The following PCNX2 variants were observed in gnomAD, a reference collection of about 807,000 sequenced individuals.
PCNX2 encodes pecanex 2, also known as pecanex-like protein 2.
Under a neutral mutation model 223.8 loss-of-function variants are expected in PCNX2, and 168 were observed. The ratio of observed to expected loss-of-function variants is 0.75; its 90% CI spans 0.66 to 0.85. PCNX2 has a LOEUF of 0.85. Among genes scored for constraint, PCNX2 ranks in the 40% least tolerant of loss-of-function variants. The pLI, the probability that PCNX2 is intolerant of heterozygous loss-of-function variation, is 0.00. For missense variants in PCNX2, 2,507 were observed against 2,675.5 expected, an observed-to-expected ratio of 0.94 and a Z score of 1.39; for synonymous variants, 1,006 against 1,052.6, an observed-to-expected ratio of 0.96 and a Z score of 0.86.
intron 17 of PCNX2, among the ~76,000 whole-genome samples, chr1:233,173,180 C>G (rs66806130): frequency 7.9e-6 from 1 of 127,072 alleles, no homozygotes; most frequent in Non-Finnish European, 1.7e-5. Context: ...TTTTTTTTTT[C>G]TCTTTTTAAA....
At chr1:233,144,021 AAG>A (rs1415364788) in intron 19 of PCNX2, among the ~76,000 whole-genome samples, 1 of 152,088 alleles carries the variant, frequency 6.6e-6, no homozygotes, top group Non-Finnish European at 1.5e-5. Flanking sequence ...TCTCTACAAA[AAG>A]TTTAAAAATA....
At chr1:233,319,225 A>C in the PCNX2 span, among the ~76,000 whole-genome samples, 1 of 152,074 alleles carries the variant, frequency 6.6e-6, no homozygotes, top group East Asian at 1.9e-4. Context: ...ACTGTAAACC[A>C]CACCCCCCCA....
chr1:233,151,485 G>A (rs1343132792), intron 19 of PCNX2, among the ~76,000 whole-genome samples: 29 of 152,256 alleles, frequency 1.9e-4, no homozygotes, highest in East Asian at 1.2e-3. Flanking sequence ...GACTTTTAGT[G>A]TTAGTTGTTT....
chr1:233,201,470 T>G (rs551768536), intron 13 of PCNX2: 27 of 152,338 alleles, frequency 1.8e-4, no homozygotes, highest in African/African-American at 6.5e-4. Context: ...AATAGAAATT[T>G]AATTACAGAA....
chr1:233,176,348 C>A (rs1679474709), intron 17 of PCNX2, among the ~76,000 whole-genome samples: 1 of 152,210 alleles, frequency 6.6e-6, no homozygotes, highest in Admixed American at 6.5e-5. Flanking sequence ...TCCTTCCTTT[C>A]TCTCCTTCTT....
In PCNX2 at chr1:233,252,417, G is replaced by A; in HGVS notation, c.2065C>T (p.Pro689Ser). 4 of 1,613,656 alleles carry A rather than the reference G, an allele frequency of 2.5e-6. No individual in the cohort carries two copies. Among genetic ancestry groups the A allele is most frequent in the Non-Finnish European group, 3.4e-6 (4 of 1,179,622 alleles). ...ATCTCTTCTTGTACAGATGTTTCAGGCCCACTGATGACTTGCAAGACAGAA... is the reference window on the plus strand; with the variant it reads ...ATCTCTTCTTGTACAGATGTTTCAGACCCACTGATGACTTGCAAGACAGAA... ...DSSVLQVISG[P>S]ETSVQEEISV... Residue 689 changes from proline to serine, a missense_variant, in exon 7 of 34, where the codon CCT (proline) becomes TCT (serine). Coordinates refer to ENST00000258229, the MANE Select transcript of PCNX2 (RefSeq NM_014801.4).
intron 15 of PCNX2, among the ~76,000 whole-genome samples, chr1:233,179,383 T>C (rs1679667266): frequency 1.3e-5 from 2 of 152,230 alleles, no homozygotes; most frequent in Admixed American, 1.3e-4. Flanking sequence ...AAGGAACTTT[T>C]TGACTAATTA....
At chr1:233,069,971 T>C (rs1446290716) in intron 23 of PCNX2, among the ~76,000 whole-genome samples, 1 of 151,486 alleles carries the variant, frequency 6.6e-6, no homozygotes, top group Admixed American at 6.6e-5. Flanking sequence ...CATCGAAAAA[T>C]CTCTAACCAG....
chr1:233,017,193 T>A, intron 26 of PCNX2, 39 bp from the exon 27 acceptor site: 1 of 1,489,622 alleles, frequency 6.7e-7, no homozygotes, highest in Non-Finnish European at 9.2e-7. Context: ...TTTATTAATT[T>A]AATCTTAGAA....
chr1:233,161,395 T>A, intron 17 of PCNX2, 32 bp from the exon 18 acceptor site: 1 of 1,558,406 alleles, frequency 6.4e-7, no homozygotes, highest in Middle Eastern at 1.8e-4. Flanking sequence ...TAAAGGCGAC[T>A]CTTCATTTCT....
In PCNX2 at chr1:233,182,336, T is replaced by G. The variant is rs183917874; in HGVS notation, c.3067-3161A>C. 8.7e-4 allele frequency among the ~76,000 whole-genome samples: 133 copies of G among 152,244 alleles called. 1 individual carries two copies. Among genetic ancestry groups the G allele is most frequent in the African/African-American group, 2.7e-3 (112 of 41,534 alleles). ...ATTTTCAATGCTGCTCCAATTTGCT[T>G]CTTCTTTCCATTGCATCCTGTCTGG... On this transcript the variant is annotated intron_variant, in intron 15 of 33. Transcript: ENST00000258229.
intron 25 of PCNX2, among the ~76,000 whole-genome samples, chr1:233,034,690 T>C (rs866018063): frequency 6.6e-6 from 1 of 152,218 alleles, no homozygotes; most frequent in South Asian, 2.1e-4. Context: ...AACCGAAGAA[T>C]GGTTGCCTGA....
In PCNX2 at chr1:233,274,078, A is replaced by G. The variant is rs182925001; in HGVS notation, c.154-10915T>C. On this transcript the variant is annotated intron_variant, in intron 1 of 33. Coordinates refer to ENST00000258229, the MANE Select transcript of PCNX2 (RefSeq NM_014801.4). ...GAAATGGTCCCAACAAAATTTGTCAATGCCCCTTGGGGGGAGTTGTTGCTC... is the reference window on the plus strand; with the variant it reads ...GAAATGGTCCCAACAAAATTTGTCAGTGCCCCTTGGGGGGAGTTGTTGCTC... 5.0e-3 allele frequency among the ~76,000 whole-genome samples: 757 copies of G among 152,336 alleles called. 6 individuals are homozygous for G. The highest frequency in any genetic ancestry group is 6.8e-3 in the Middle Eastern group (2 of 294).
intron 19 of PCNX2, among the ~76,000 whole-genome samples, chr1:233,151,342 C>T (rs756035434): frequency 6.6e-6 from 1 of 152,230 alleles, no homozygotes; most frequent in Non-Finnish European, 1.5e-5. Flanking sequence ...AGTGGCCACA[C>T]CGACTGCAGC....
At chr1:233,118,353 A>C (rs906313235) in intron 21 of PCNX2, among the ~76,000 whole-genome samples, 1 of 152,114 alleles carries the variant, frequency 6.6e-6, no homozygotes, top group Non-Finnish European at 1.5e-5. Flanking sequence ...CTCTTATCTG[A>C]CATAGTGCTG....
chr1:233,089,827 G>A (rs1673780369), intron 23 of PCNX2: 1 of 1,236,894 alleles, frequency 8.1e-7, no homozygotes, highest in African/African-American at 1.6e-5. Flanking sequence ...CACAACTGGT[G>A]AAACCTGGAC....
the PCNX2 span, among the ~76,000 whole-genome samples, chr1:233,313,679 TAA>T: frequency 0.12 from 18,044 of 152,066 alleles, 1,336 homozygotes; most frequent in Middle Eastern, 0.17. Context: ...CCAAGACATA[TAA>T]GTTAGTATAC....
At chr1:233,173,716 C>A (rs1679295521) in intron 17 of PCNX2, among the ~76,000 whole-genome samples, 1 of 152,154 alleles carries the variant, frequency 6.6e-6, no homozygotes. Flanking sequence ...TTATTCAGAA[C>A]ATCATTTACA....
chr1:233,206,901 C>CT (rs1393632651), intron 13 of PCNX2, among the ~76,000 whole-genome samples: 1 of 151,848 alleles, frequency 6.6e-6, no homozygotes, highest in Non-Finnish European at 1.5e-5. Context: ...ATCCCAGCTA[C>CT]TTGGGAGGCT....
Sources: allele counts gnomAD v4.1 joint callset (sites outside exome capture counted in the v4.1 genomes callset), GRCh38; gene constraint gnomAD v4.1.1; transcripts MANE v1.5; gene names NCBI Gene and HGNC (gene_info 2026-07-23, HGNC 2026-07-21).